The following SERAC1 variants were observed in gnomAD, a reference collection of about 807,000 sequenced individuals.
SERAC1 encodes the protein serine active site containing 1.
In SERAC1, 36 loss-of-function variants were observed where a neutral mutation model predicts 85.7. The ratio of observed to expected loss-of-function variants is 0.42; its 90% confidence interval spans 0.32 to 0.55. The LOEUF is 0.55. SERAC1 is among the 20% of genes least tolerant of loss of function. The pLI is 0.11. For synonymous variants in SERAC1, 242 were observed against 265.3 expected (o/e 0.91, Z 0.85); for missense variants, 629 against 796.2 (o/e 0.79, Z 2.53).
intron 3 of SERAC1, among the ~76,000 whole-genome samples, chr6:158,155,015 T>G (rs1432127903): frequency 6.6e-6 from 1 of 152,162 alleles, no homozygotes; most frequent in African/African-American, 2.4e-5. Context: ...GTGCCTGATT[T>G]AAGTGTGTCA....
At chr6:158,133,378 A>ATTTTTTTTTTTTTTTTTTTTTTTTT (rs767768720) in intron 8 of SERAC1, among the ~76,000 whole-genome samples, 1 of 66,376 alleles carries the variant, frequency 1.5e-5, no homozygotes, top group Non-Finnish European at 2.5e-5. Flanking sequence ...TCTGGTGTTA[A>ATTTTTTTTTTTTTTTTTTTTTTTTT]TTTTTTTTTT....
intron 1 of SERAC1, chr6:158,158,579 T>C (rs1450354854): frequency 4.6e-6 from 2 of 432,506 alleles, no homozygotes; most frequent in African/African-American, 4.0e-5. Context: ...TTCATTATTC[T>C]TCCTCACACT....
chr6:158,121,545 A>T (rs1005316081), intron 10 of SERAC1, among the ~76,000 whole-genome samples: 2 of 152,182 alleles, frequency 1.3e-5, no homozygotes, highest in Admixed American at 6.5e-5. Flanking sequence ...AATACACGAC[A>T]GCTGTCCCCA....
At position 158,153,945 on chromosome 6, in the gene SERAC1, A is replaced by G. The variant is rs371514789; in HGVS notation, c.128+1370T>C. Among the ~76,000 whole-genome samples, 4 of 152,062 alleles carry G rather than the reference A, an allele frequency of 2.6e-5. No individual in the cohort carries two copies. In the East Asian group the frequency reaches 5.8e-4, roughly 22 times the overall value. ...CAGGAGTTCAAGACTAGCCTGGGCAACATGGCAAGACCCCGTCTCTACTAA... is the reference window on the plus strand; with the variant it reads ...CAGGAGTTCAAGACTAGCCTGGGCAGCATGGCAAGACCCCGTCTCTACTAA... On this transcript the variant is annotated intron_variant, in intron 3 of 16. Transcript: ENST00000647468.
rs185727055 is a variant in SERAC1 at position 158,144,590 on chromosome 6, G to A, written c.488-170C>T. ...TTTACAACACCTATAAGCTAGATACGTTTCCAGGACTGATCTCACAATTCT... is the reference window on the plus strand; with the variant it reads ...TTTACAACACCTATAAGCTAGATACATTTCCAGGACTGATCTCACAATTCT... On this transcript the variant is annotated intron_variant, in intron 6 of 16. Transcript: ENST00000647468. Among the ~76,000 whole-genome samples, 4 of 152,254 alleles carry A rather than the reference G, an allele frequency of 2.6e-5. No individual in the cohort carries two copies. In the East Asian group the frequency reaches 7.7e-4, roughly 29 times the overall value.
chr6:158,128,240 T>G lies in SERAC1; in HGVS notation c.883A>C (p.Asn295His). ...ISTHCDKIEA[N>H]GGLQLLQRLY... is the part of the protein sequence containing the mutation. Reference sequence around the variant, plus strand: ...CTCTGAAGTAGCTGCAGGCCTCCATTTGCTTCGATTTTATCACAATGTGTG... The same window carrying G: ...CTCTGAAGTAGCTGCAGGCCTCCATGTGCTTCGATTTTATCACAATGTGTG... The change falls in exon 10 of 17, where the codon AAT becomes CAT. Residue 295 changes from asparagine to histidine, a missense_variant. Transcript: ENST00000647468. 1 of 1,614,076 alleles carries G rather than the reference T, an allele frequency of 6.2e-7. No individual in the cohort carries two copies. The highest frequency in any genetic ancestry group is 8.5e-7 in the Non-Finnish European group (1 of 1,179,980).
chr6:158,155,943 G>A (rs527560407), intron 2 of SERAC1, among the ~76,000 whole-genome samples: 3 of 152,048 alleles, frequency 2.0e-5, no homozygotes, highest in Non-Finnish European at 2.9e-5. Flanking sequence ...TCAGGAGTTC[G>A]AGACCAGCCT....
intron 13 of SERAC1, 130 bp from the exon 14 acceptor site, chr6:158,116,412 C>A: frequency 9.0e-6 from 6 of 668,880 alleles, no homozygotes; most frequent in Non-Finnish European, 1.6e-5. Flanking sequence ...TAAGAAATAC[C>A]CCCATTCTCT....
intron 12 of SERAC1, 103 bp downstream of exon 12, chr6:158,118,926 T>A: frequency 7.1e-7 from 1 of 1,404,672 alleles, no homozygotes. Context: ...AAGAACTGCA[T>A]GGGAAAAAAA....
At chr6:158,131,393 TTA>T (rs1228177442) in intron 8 of SERAC1, among the ~76,000 whole-genome samples, 2 of 147,096 alleles carry the variant, frequency 1.4e-5, no homozygotes, top group East Asian at 1.9e-4. Flanking sequence ...TATATGTAAA[TTA>T]TATAATATAT....
rs767609712 is a variant in SERAC1, at chr6:158,155,272, G to C, written c.128+43C>G. On this transcript the variant is annotated intron_variant, in intron 3 of 16. Coordinates refer to ENST00000647468, the MANE Select transcript of SERAC1 (RefSeq NM_032861.4). ...ATCACTGCCATTGAGATTTCCAATA[G>C]AGTATAATGAAGCCAATTAATATTC... is the stretch of plus-strand genomic sequence containing the variant. 1.6e-5 allele frequency: 21 copies of C among 1,350,394 alleles called. No individual in the cohort carries two copies. The Admixed American group carries it at 3.3e-4, about 21-fold the overall frequency. The allele number at this position is 1,350,394 out of a possible 1,614,324, so 83.7% of individuals were successfully genotyped here.
chr6:158,163,458 G>A (rs1785529632), intron 1 of SERAC1, among the ~76,000 whole-genome samples: 1 of 152,158 alleles, frequency 6.6e-6, no homozygotes, highest in Non-Finnish European at 1.5e-5. Context: ...AGTGATTTGG[G>A]AGGCCAAGGT....
At position 158,117,828 on chromosome 6, in the gene SERAC1, A is replaced by T; in HGVS notation, c.1309-7T>A. The T allele has an allele frequency of 6.2e-7, 1 of 1,604,772 alleles. No homozygotes were observed. Among genetic ancestry groups the T allele is most frequent in the South Asian group, 1.1e-5 (1 of 90,620 alleles). ...AGTCTTTTGCTAACCATGTCTAAGT[A>T]AAATAAAACATATGTGAGAACAAGT... is the stretch of plus-strand genomic sequence containing the variant. On this transcript the variant is annotated splice_polypyrimidine_tract_variant and splice_region_variant and intron_variant, in intron 12 of 16. Transcript: ENST00000647468. The surrounding 1 kb of genome is among the most constrained non-coding windows in gnomAD (Gnocchi z 4.3).
intron 10 of SERAC1, among the ~76,000 whole-genome samples, chr6:158,124,371 A>T (rs1012465211): frequency 6.6e-6 from 1 of 152,190 alleles, no homozygotes; most frequent in Non-Finnish European, 1.5e-5. Context: ...AGATAAGAAT[A>T]AAAAAGGACA....
rs115871887 is a variant in SERAC1 at position 158,118,325 on chromosome 6, G to A, written c.1309-504C>T. 6.8e-3 allele frequency among the ~76,000 whole-genome samples: 1,036 copies of A among 152,308 alleles called. 16 individuals carry two copies. Among genetic ancestry groups the A allele is most frequent in the African/African-American group, 0.024 (988 of 41,566 alleles). ...AAGCCTTTGTGAAGGAGAATAAGTA[G>A]TAATGGAACAATGCCCTAAAAACTA... On this transcript the variant is annotated intron_variant, in intron 12 of 16. Coordinates refer to ENST00000647468, the MANE Select transcript of SERAC1 (RefSeq NM_032861.4).
At position 158,111,345 on chromosome 6, in the gene SERAC1, A is replaced by G. The variant is rs200964065; in HGVS notation, c.*21T>C. On this transcript the variant is annotated 3_prime_UTR_variant, in exon 17 of 17. Transcript: ENST00000647468. ...GTTTCTTGCACTGAATTCACATATG[A>G]AAACTGGAAGAGCACAACTGTTAGT... 78 of 1,561,698 alleles carry G rather than the reference A, an allele frequency of 5.0e-5. No homozygotes were observed. The African/African-American group carries it at 9.5e-4, about 19-fold the overall frequency.
rs1395292272 is a variant in SERAC1 at position 158,117,678 on chromosome 6, G to T, written c.1403+49C>A. The T allele has an allele frequency of 6.2e-7, 1 of 1,611,576 alleles. No homozygotes were observed. Among genetic ancestry groups the T allele is most frequent in the Admixed American group, 1.7e-5 (1 of 59,834 alleles). On this transcript the variant is annotated intron_variant, in intron 13 of 16. Coordinates refer to ENST00000647468, the MANE Select transcript of SERAC1 (RefSeq NM_032861.4). The surrounding 1 kb of genome is among the most constrained non-coding windows in gnomAD (Gnocchi z 4.3). ...TTCCCATCCAAGAGGACCTAAACTT[G>T]CGGCCTGAATTCTTCCCTGTCCTCC...
chr6:158,143,125 T>C lies in SERAC1; in HGVS notation c.669A>G (p.Leu223=). Residue 223 remains leucine (L), a synonymous_variant, in exon 8 of 17, where the codon CTA becomes CTG. Coordinates refer to ENST00000647468, the MANE Select transcript of SERAC1 (RefSeq NM_032861.4). ...ATGTAAAATACTGGATACACTCATC[T>C]AGCTCTGTTTGAGGTAAGGAAGCCA... ...QLLASLPQTE[L]DECIQYFTSL... 1.2e-6 allele frequency: 2 copies of C among 1,613,800 alleles called. No homozygotes were observed. Among genetic ancestry groups the C allele is most frequent in the Non-Finnish European group, 1.7e-6 (2 of 1,179,784 alleles).
intron 14 of SERAC1, among the ~76,000 whole-genome samples, 188 bp downstream of exon 14, chr6:158,115,997 G>C (rs1784278633): frequency 6.6e-6 from 1 of 152,212 alleles, no homozygotes; most frequent in Non-Finnish European, 1.5e-5. Flanking sequence ...CTTTTCTAGA[G>C]AAAGGAACAG....
Sources: allele counts gnomAD v4.1 joint callset (sites outside exome capture counted in the v4.1 genomes callset), GRCh38; gene constraint gnomAD v4.1.1; non-coding constraint Gnocchi (gnomAD v3.1); transcripts MANE v1.5; gene names NCBI Gene and HGNC (gene_info 2026-07-23, HGNC 2026-07-21).